Variants in NADSYN1 observed in about 807,000 individuals in gnomAD.
NADSYN1 encodes the protein NAD synthetase 1.
A neutral mutation model predicts 99.3 loss-of-function variants in NADSYN1; 80 were observed. The ratio of observed to expected loss-of-function variants is 0.81; its 90% CI spans 0.67 to 0.97. NADSYN1 has a LOEUF of 0.97. Ranked by LOEUF, NADSYN1 falls within the 50% of genes least tolerant of loss-of-function variation. The pLI is 0.00. For synonymous variants in NADSYN1, 385 were observed against 372.1 expected (o/e 1.03, Z -0.40); for missense variants, 859 against 948.5 (o/e 0.91, Z 1.24).
chr11:71,465,004 T>C (rs1454794595), intron 5 of NADSYN1, among the ~76,000 whole-genome samples: 1 of 151,476 alleles, frequency 6.6e-6, no homozygotes, highest in Non-Finnish European at 1.5e-5. Context: ...GGGCCAATGG[T>C]GCAGGCAGTA....
intron 15 of NADSYN1, chr11:71,485,276 C>G (rs753010214): frequency 3.2e-6 from 1 of 309,818 alleles, no homozygotes; most frequent in Non-Finnish European, 6.0e-6. Context: ...AGTCCTGCCA[C>G]CAGTGCTCCC....
intron 4 of NADSYN1, 107 bp from the exon 5 acceptor site, chr11:71,463,946 A>G: frequency 1.1e-6 from 1 of 940,888 alleles, no homozygotes; most frequent in Non-Finnish European, 1.6e-6. Context: ...CCCATTCTCA[A>G]GCTGACTCTG....
At chr11:71,478,374 C>T (rs1949683630) in intron 9 of NADSYN1, 21 bp from the exon 10 acceptor site, 4 of 1,578,880 alleles carry the variant, frequency 2.5e-6, no homozygotes, top group Non-Finnish European at 3.4e-6. Flanking sequence ...CACGGGTTCT[C>T]TTTGAAATTT....
chr11:71,491,874 G>A lies in NADSYN1; in HGVS notation c.1735G>A (p.Ala579Thr), dbSNP rs373675221. The A allele has an allele frequency of 6.2e-7, 1 of 1,613,970 alleles. No homozygotes were observed. Among genetic ancestry groups the A allele is most frequent in the African/African-American group, 1.3e-5 (1 of 74,926 alleles). The change falls in exon 18 of 21, where the codon GCT becomes ACT. Residue 579 changes from alanine to threonine, a missense_variant. Physicochemically the swap from Ala to Thr is moderately conservative, Grantham distance 58. Coordinates refer to ENST00000319023, the MANE Select transcript of NADSYN1 (RefSeq NM_018161.5). ...APATAELEPL[A>T]DGQVSQTDEE... ...GGCCACCGCAGAGCTGGAGCCCTTG[G>A]CTGATGGACAGGTGTCCCAGACCGA...
At chr11:71,485,505 C>T (rs1156692738) in intron 15 of NADSYN1, 37 bp from the exon 16 acceptor site, 1 of 1,495,244 alleles carries the variant, frequency 6.7e-7, no homozygotes, top group East Asian at 2.5e-5. Flanking sequence ...TGTTCCTTTG[C>T]AAGGGAACCC....
chr11:71,477,475 G>C (rs775081715), intron 9 of NADSYN1: 2 of 1,283,286 alleles, frequency 1.6e-6, no homozygotes, highest in African/African-American at 3.0e-5. Flanking sequence ...AGCAAGGGGC[G>C]CGCAAGGTGG....
intron 2 of NADSYN1, among the ~76,000 whole-genome samples, chr11:71,455,678 A>G (rs1949508797): frequency 6.6e-6 from 1 of 152,188 alleles, no homozygotes; most frequent in African/African-American, 2.4e-5. Context: ...TCCTTACCAG[A>G]TACCAAATCT....
intron 16 of NADSYN1, among the ~76,000 whole-genome samples, chr11:71,487,895 G>T (rs946372613): frequency 6.6e-5 from 10 of 151,080 alleles, no homozygotes; most frequent in African/African-American, 1.5e-4. Context: ...TCCCTCAGCT[G>T]CCCCTTTCTC....
At chr11:71,455,876 C>A (rs1201461786) in intron 2 of NADSYN1, among the ~76,000 whole-genome samples, 4 of 152,198 alleles carry the variant, frequency 2.6e-5, no homozygotes, top group Non-Finnish European at 5.9e-5. Context: ...TTCTTATATG[C>A]CTTTTTGTAA....
intron 10 of NADSYN1, chr11:71,479,847 T>C (rs4944064): frequency 0.89 from 135,786 of 152,258 alleles, 61,024 homozygotes; most frequent in Non-Finnish European, 0.95. Context: ...CTTCAGATCC[T>C]GTGATTACTG....
At position 71,498,426 on chromosome 11, in the gene NADSYN1, G is replaced by A. The variant is rs147528912; in HGVS notation, c.1968G>A (p.Ala656=). ...ACAAGATGACCACGCTCACACCCGCGTACCACGCCGAGAACTACAGCCCTG... is the reference window on the plus strand; with the variant it reads ...ACAAGATGACCACGCTCACACCCGCATACCACGCCGAGAACTACAGCCCTG... ...NRHKMTTLTP[A]YHAENYSPED... is the part of the protein sequence containing the mutation. The change falls in exon 20 of 21, where the codon GCG becomes GCA. Residue 656 remains alanine (A), a synonymous_variant. Transcript: ENST00000319023. The A allele has an allele frequency of 1.1e-3, 1,759 of 1,614,152 alleles. 2 individuals carry two copies. The highest frequency in any genetic ancestry group is 1.2e-3 in the Non-Finnish European group (1,435 of 1,180,024).
At chr11:71,483,373 C>G (rs1476818292) in intron 14 of NADSYN1, among the ~76,000 whole-genome samples, 1 of 152,092 alleles carries the variant, frequency 6.6e-6, no homozygotes, top group Non-Finnish European at 1.5e-5. Context: ...CCCTTCTGTC[C>G]CCTCACTCCT....
intron 9 of NADSYN1, among the ~76,000 whole-genome samples, chr11:71,477,754 G>A (rs10898186): frequency 0.24 from 36,768 of 152,058 alleles, 5,067 homozygotes; most frequent in African/African-American, 0.35. Context: ...CCGGGGCTGC[G>A]GCTCCGCCTC....
chr11:71,483,583 A>C (rs1315011409), intron 14 of NADSYN1, among the ~76,000 whole-genome samples: 1 of 152,180 alleles, frequency 6.6e-6, no homozygotes, highest in Non-Finnish European at 1.5e-5. Flanking sequence ...TCTATCTAGA[A>C]TATTCCATCC....
chr11:71,494,548 G>GA (rs1949807045), intron 18 of NADSYN1, among the ~76,000 whole-genome samples: 1 of 151,858 alleles, frequency 6.6e-6, no homozygotes, highest in South Asian at 2.1e-4. Context: ...CTTTTGTTTT[G>GA]TTTTGTTTTG....
chr11:71,455,961 G>A (rs1949511255), intron 2 of NADSYN1, among the ~76,000 whole-genome samples: 1 of 152,218 alleles, frequency 6.6e-6, no homozygotes, highest in Non-Finnish European at 1.5e-5. Context: ...ACAAAACAAT[G>A]AGTAGCCACG....
rs763611919 is a variant in NADSYN1, at chr11:71,472,454, C to A, written c.413C>A (p.Thr138Lys). ...WFTPWSRSRH[T>K]EEYFLPRMIQ... The stretch of plus-strand genomic sequence containing the variant: ...CTCGGTGTTTTCCTCTCCAGGCACA[C>A]AGAGGAGTACTTTCTGCCTCGGATG... Residue 138 changes from threonine to lysine, a missense_variant, in exon 6 of 21, where the codon ACA (threonine) becomes AAA (lysine). By Grantham distance (78) the Thr-to-Lys change is moderately conservative. Transcript: ENST00000319023. 1.1e-5 allele frequency: 18 copies of A among 1,612,148 alleles called. No individual in the cohort carries two copies. Among genetic ancestry groups the A allele is most frequent in the Admixed American group, 1.7e-5 (1 of 60,016 alleles).
At chr11:71,467,740 G>A (rs1280168878) in intron 5 of NADSYN1, among the ~76,000 whole-genome samples, 1 of 152,172 alleles carries the variant, frequency 6.6e-6, no homozygotes, top group Non-Finnish European at 1.5e-5. Context: ...GGTGAAAGTG[G>A]ATAACAAGGG....
At chr11:71,490,551 A>G (rs536609865) in intron 16 of NADSYN1, among the ~76,000 whole-genome samples, 153 of 151,934 alleles carry the variant, frequency 1.0e-3, no homozygotes, top group Middle Eastern at 3.4e-3. Context: ...CACTCCCGAC[A>G]CCCCAAGACC....
Sources: allele counts gnomAD v4.1 joint callset (sites outside exome capture counted in the v4.1 genomes callset), GRCh38; gene constraint gnomAD v4.1.1; transcripts MANE v1.5; gene names NCBI Gene and HGNC (gene_info 2026-07-23, HGNC 2026-07-21).